Variants in PTPN2 observed in about 807,000 individuals in gnomAD.
PTPN2 encodes protein tyrosine phosphatase non-receptor type 2, also known as tyrosine-protein phosphatase non-receptor type 2.
Under a neutral mutation model 57.3 loss-of-function variants are expected in PTPN2, and 19 were observed. That is an observed-to-expected ratio of 0.33 (90% CI 0.23 to 0.49). The LOEUF (loss-of-function observed/expected upper bound fraction) is 0.49. Ranked by LOEUF, PTPN2 falls within the 20% of genes least tolerant of loss-of-function variation. The pLI is 0.99. For synonymous variants in PTPN2, 153 were observed against 164.9 expected (o/e 0.93, Z 0.55); for missense variants, 358 against 501.1 (o/e 0.71, Z 2.73).
At chr18:12,818,382 C>T (rs750181210) in intron 5 of PTPN2, among the ~76,000 whole-genome samples, 7 of 152,176 alleles carry the variant, frequency 4.6e-5, no homozygotes, top group Non-Finnish European at 1.0e-4. Flanking sequence ...ATTTCCAATC[C>T]TAAAGCTGTT....
chr18:12,870,485 A>AGAGG (rs2044225762), intron 1 of PTPN2, among the ~76,000 whole-genome samples: 1 of 101,470 alleles, frequency 9.9e-6, no homozygotes, highest in Non-Finnish European at 1.8e-5. Flanking sequence ...AGAGAGAGAG[A>AGAGG]GAGAGAGAGA....
chr18:12,788,472 C>A (rs111624209), downstream of PTPN2, among the ~76,000 whole-genome samples: 2 of 115,432 alleles, frequency 1.7e-5, no homozygotes, highest in Non-Finnish European at 3.3e-5. Flanking sequence ...GGGGTTTCAC[C>A]GTGTTGCCCA....
intron 2 of PTPN2, among the ~76,000 whole-genome samples, chr18:12,857,663 C>T (rs547618660): frequency 2.0e-5 from 3 of 152,218 alleles, no homozygotes; most frequent in Non-Finnish European, 4.4e-5. Context: ...GGAAGGGCAC[C>T]TAAGTATCAG....
chr18:12,872,766 T>G (rs961309136), intron 1 of PTPN2, among the ~76,000 whole-genome samples: 1 of 152,240 alleles, frequency 6.6e-6, no homozygotes, highest in African/African-American at 2.4e-5. Flanking sequence ...AAAGCAAGGA[T>G]TTCACTGTTA....
chr18:12,797,460 T>C (rs936371084), intron 8 of PTPN2, among the ~76,000 whole-genome samples: 1 of 152,132 alleles, frequency 6.6e-6, no homozygotes, highest in East Asian at 1.9e-4. Flanking sequence ...TTATGCTTTC[T>C]GGTTGGGCTG....
At chr18:12,801,778 A>G in intron 8 of PTPN2, 192 bp downstream of exon 8, 1 of 589,124 alleles carries the variant, frequency 1.7e-6, no homozygotes, top group Non-Finnish European at 3.0e-6. Flanking sequence ...TATGTTGCCC[A>G]GGCTGGTTTC....
intron 2 of PTPN2, among the ~76,000 whole-genome samples, chr18:12,843,214 G>A (rs942001467): frequency 1.3e-5 from 2 of 152,182 alleles, no homozygotes; most frequent in African/African-American, 2.4e-5. Flanking sequence ...CCCAGTCGCC[G>A]ACAGTCCTAT....
chr18:12,785,738 T>C, exon 10 of PTPN2: 2 of 1,270,832 alleles, frequency 1.6e-6, no homozygotes, highest in Non-Finnish European at 2.3e-6. Flanking sequence ...AGCCTCACTT[T>C]AGTTTCCGGA....
chr18:12,863,888 G>C (rs889190074), intron 1 of PTPN2: 2 of 152,122 alleles, frequency 1.3e-5, no homozygotes, highest in African/African-American at 4.8e-5. Context: ...TGAGTCACTA[G>C]TTAATTTCTT....
intron 1 of PTPN2, among the ~76,000 whole-genome samples, chr18:12,865,731 G>A (rs144781887): frequency 6.6e-5 from 10 of 151,790 alleles, no homozygotes; most frequent in Non-Finnish European, 1.2e-4. Flanking sequence ...GAAGGCTGAG[G>A]AACGAGAATT....
At chr18:12,836,697 A>T (rs1434400161) in intron 3 of PTPN2, 94 bp downstream of exon 3, 14 of 751,922 alleles carry the variant, frequency 1.9e-5, no homozygotes, top group South Asian at 1.5e-4. Context: ...TTTCATTTCC[A>T]AAAGAAGTCA....
chr18:12,801,825 T>A lies in PTPN2; in HGVS notation c.1040+145A>T, dbSNP rs765592737. 111 of 806,422 alleles carry A rather than the reference T, an allele frequency of 1.4e-4. 1 individual carries two copies. Among genetic ancestry groups the A allele is most frequent in the Middle Eastern group, 3.4e-4 (1 of 2,912 alleles). 50.0% of individuals were successfully genotyped at this position (806,422 alleles called of 1,614,324 possible). On this transcript the variant is annotated intron_variant, in intron 8 of 8. Transcript: ENST00000309660. ...CTCAAGTGATCTTCCCTCCTTGGCC[T>A]CCCAAAGTGTTGAGATTACAGGCGT...
chr18:12,826,263 C>T (rs1434595772), intron 4 of PTPN2, among the ~76,000 whole-genome samples: 1 of 152,068 alleles, frequency 6.6e-6, no homozygotes, highest in East Asian at 1.9e-4. Flanking sequence ...ACTAGCTAGG[C>T]GCGATGGCGG....
chr18:12,823,484 G>A (rs1199322844), intron 5 of PTPN2, among the ~76,000 whole-genome samples: 3 of 152,004 alleles, frequency 2.0e-5, no homozygotes, highest in African/African-American at 7.3e-5. Context: ...GATCAGTCTG[G>A]CCAACACAGC....
chr18:12,836,604 G>A (rs1352107568), intron 3 of PTPN2, among the ~76,000 whole-genome samples, 187 bp downstream of exon 3: 1 of 152,138 alleles, frequency 6.6e-6, no homozygotes, highest in African/African-American at 2.4e-5. Context: ...AAAATAACTT[G>A]CCTTTTATCT....
At chr18:12,880,908 G>A (rs963667736) in intron 1 of PTPN2, among the ~76,000 whole-genome samples, 1 of 152,162 alleles carries the variant, frequency 6.6e-6, no homozygotes, top group Non-Finnish European at 1.5e-5. Context: ...CTTCATTTCA[G>A]TGTCTCGCAG....
intron 1 of PTPN2, among the ~76,000 whole-genome samples, chr18:12,872,867 T>C (rs1568172889): frequency 1.3e-5 from 2 of 152,206 alleles, no homozygotes; most frequent in African/African-American, 4.8e-5. Context: ...AAAATGGCAT[T>C]ACATTCATTC....
intron 2 of PTPN2, among the ~76,000 whole-genome samples, chr18:12,847,141 G>T (rs1211315350): frequency 6.6e-6 from 1 of 152,000 alleles, no homozygotes; most frequent in Non-Finnish European, 1.5e-5. Flanking sequence ...GATGAACAGG[G>T]GCAAGAAATG....
intron 6 of PTPN2, among the ~76,000 whole-genome samples, chr18:12,816,891 C>T (rs893113465): frequency 1.5e-4 from 23 of 151,974 alleles, no homozygotes; most frequent in African/African-American, 5.6e-4. Flanking sequence ...GGGGGAGAGA[C>T]CTATTATTTC....
Sources: allele counts gnomAD v4.1 joint callset (sites outside exome capture counted in the v4.1 genomes callset), GRCh38; gene constraint gnomAD v4.1.1; transcripts MANE v1.5; gene names NCBI Gene and HGNC (gene_info 2026-07-23, HGNC 2026-07-21).